The following PDE4D variants were observed in gnomAD, a reference collection of about 807,000 sequenced individuals.
PDE4D encodes the protein 3',5'-cyclic-AMP phosphodiesterase 4D.
In PDE4D, 24 loss-of-function variants were observed where a neutral mutation model predicts 87.4. That is an observed-to-expected ratio of 0.27 (90% CI 0.20 to 0.39). The LOEUF is 0.39. Among genes scored for constraint, PDE4D ranks in the 10% least tolerant of loss-of-function variants. PDE4D has a pLI of 1.00. For missense variants in PDE4D, 714 were observed against 1,041.0 expected, an observed-to-expected ratio of 0.69 and a Z score of 4.32; for synonymous variants, 384 against 383.2, an observed-to-expected ratio of 1.00 and a Z score of -0.02.
At chr5:59,313,689 G>T (rs367999306) in intron 1 of PDE4D, among the ~76,000 whole-genome samples, 28 of 152,108 alleles carry the variant, frequency 1.8e-4, no homozygotes, top group African/African-American at 6.8e-4. Flanking sequence ...CCAAGACAGA[G>T]AATTTCATAC....
chr5:60,129,415 C>CATGATTGA (rs1779388503), intron 2 of PDE4D, among the ~76,000 whole-genome samples: 1 of 152,150 alleles, frequency 6.6e-6, no homozygotes, highest in African/African-American at 2.4e-5. Flanking sequence ...GTATTATTAA[C>CATGATTGA]ATGATTGAGA....
intron 1 of PDE4D, among the ~76,000 whole-genome samples, chr5:59,467,609 A>G (rs2153649726): frequency 6.6e-6 from 1 of 152,348 alleles, no homozygotes; most frequent in East Asian, 1.9e-4. Flanking sequence ...AGTTAACAGA[A>G]ACATACTATT....
At chr5:60,407,765 T>A (rs1032971253) in intron 1 of PDE4D, among the ~76,000 whole-genome samples, 2 of 152,042 alleles carry the variant, frequency 1.3e-5, no homozygotes, top group African/African-American at 4.8e-5. Context: ...TTATATTACT[T>A]TTAATGGCAA....
At chr5:60,333,475 G>C (rs1757477595) in intron 1 of PDE4D, among the ~76,000 whole-genome samples, 1 of 152,034 alleles carries the variant, frequency 6.6e-6, no homozygotes, top group Non-Finnish European at 1.5e-5. Flanking sequence ...TTCTCTCTCT[G>C]GTTTTAGCTC....
chr5:59,984,053 T>C (rs4699949), intron 3 of PDE4D, among the ~76,000 whole-genome samples: 94,974 of 151,604 alleles, frequency 0.63, 32,163 homozygotes, highest in East Asian at 0.83. Flanking sequence ...AAAAAAATTT[T>C]GACTAATAGA....
chr5:60,031,014 C>T (rs1262056086), intron 2 of PDE4D: 1 of 152,100 alleles, frequency 6.6e-6, no homozygotes, highest in East Asian at 1.9e-4. Context: ...ATTCAATGTT[C>T]CCATAATTTA....
chr5:59,129,513 C>CTACATAG (rs2153450232), intron 5 of PDE4D, among the ~76,000 whole-genome samples: 1 of 152,330 alleles, frequency 6.6e-6, no homozygotes, highest in African/African-American at 2.4e-5. Context: ...GCTTCATCTA[C>CTACATAG]TACATAGCTC....
intron 1 of PDE4D, among the ~76,000 whole-genome samples, chr5:59,419,580 G>A (rs1794152946): frequency 6.6e-6 from 1 of 152,160 alleles, no homozygotes; most frequent in African/African-American, 2.4e-5. Context: ...ATAAATACTT[G>A]CAGAAAGCTG....
chr5:60,506,386 T>G (rs1750324252), intron 1 of PDE4D, among the ~76,000 whole-genome samples: 1 of 152,228 alleles, frequency 6.6e-6, no homozygotes, highest in Non-Finnish European at 1.5e-5. Flanking sequence ...GAATACATAC[T>G]TTTTAATTAA....
At chr5:59,242,629 A>G (rs921347734) in intron 1 of PDE4D, among the ~76,000 whole-genome samples, 4 of 152,214 alleles carry the variant, frequency 2.6e-5, no homozygotes. Flanking sequence ...AATGATATCA[A>G]TATGAATACC....
chr5:59,962,344 T>A (rs1336007476), intron 3 of PDE4D, among the ~76,000 whole-genome samples: 1 of 152,162 alleles, frequency 6.6e-6, no homozygotes, highest in African/African-American at 2.4e-5. Flanking sequence ...TTTTAATTTT[T>A]TTCTGATTTG....
chr5:59,518,671 C>T (rs897438065), intron 1 of PDE4D, among the ~76,000 whole-genome samples: 2 of 152,134 alleles, frequency 1.3e-5, no homozygotes, highest in African/African-American at 2.4e-5. Flanking sequence ...GAAGGGGTCA[C>T]TTATCCCCAA....
chr5:59,293,856 G>T (rs764643534), intron 1 of PDE4D, among the ~76,000 whole-genome samples: 2 of 152,212 alleles, frequency 1.3e-5, no homozygotes, highest in Non-Finnish European at 2.9e-5. Context: ...TGGCTGCAGG[G>T]TCACCTGTGT....
chr5:59,189,895 A>T (rs555365175), intron 3 of PDE4D, among the ~76,000 whole-genome samples: 78 of 152,376 alleles, frequency 5.1e-4, no homozygotes, highest in Middle Eastern at 3.4e-3. Flanking sequence ...AAACACCAGC[A>T]AGAATTTCTA....
chr5:60,406,504 C>A (rs1281795725), intron 1 of PDE4D, among the ~76,000 whole-genome samples: 1 of 152,090 alleles, frequency 6.6e-6, no homozygotes, highest in African/African-American at 2.4e-5. Flanking sequence ...ACTCTGATGG[C>A]AAATTGATAT....
At chr5:60,328,634 AT>A (rs1410802768) in intron 1 of PDE4D, among the ~76,000 whole-genome samples, 2 of 152,118 alleles carry the variant, frequency 1.3e-5, no homozygotes, top group African/African-American at 2.4e-5. Flanking sequence ...GATTTTGTAG[AT>A]TTTTTTGGGC....
At chr5:59,302,628 G>A in intron 1 of PDE4D, among the ~76,000 whole-genome samples, 1 of 151,576 alleles carries the variant, frequency 6.6e-6, no homozygotes, top group Non-Finnish European at 1.5e-5. Context: ...AACATATGAT[G>A]TTTGCTTTTC....
intron 1 of PDE4D, among the ~76,000 whole-genome samples, chr5:59,673,464 G>A (rs1747553048): frequency 6.6e-6 from 1 of 152,108 alleles, no homozygotes; most frequent in South Asian, 2.1e-4. Flanking sequence ...AAACCCAATC[G>A]TTACTCCCTT....
intron 2 of PDE4D, 186 bp from the exon 3 acceptor site, chr5:59,193,722 A>G (rs1252050057): frequency 1.0e-6 from 1 of 985,294 alleles, no homozygotes; most frequent in East Asian, 1.1e-4. Context: ...GGATGTTAAC[A>G]ATTGTCCAAC....
Sources: allele counts gnomAD v4.1 joint callset (sites outside exome capture counted in the v4.1 genomes callset), GRCh38; gene constraint gnomAD v4.1.1; transcripts MANE v1.5; gene names NCBI Gene and HGNC (gene_info 2026-07-23, HGNC 2026-07-21).